FAM98C: variants seen among roughly 807,000 people sequenced by gnomAD.
FAM98C encodes the protein tRNA splicing ligase complex subunit 3C.
In FAM98C, 38 loss-of-function variants were observed where a neutral mutation model predicts 41.1. The ratio of observed to expected loss-of-function variants is 0.92; its 90% CI spans 0.71 to 1.21. The LOEUF (loss-of-function observed/expected upper bound fraction) is 1.21. FAM98C is among the 50% of genes most tolerant of loss of function. FAM98C has a pLI of 0.00. For synonymous variants in FAM98C, 195 were observed against 216.7 expected, an observed-to-expected ratio of 0.90 and a Z score of 0.88; for missense variants, 493 against 484.7, an observed-to-expected ratio of 1.02 and a Z score of -0.16.
At chr19:38,408,687 G>A (rs970412079) in intron 7 of FAM98C, 64 bp from the exon 8 acceptor site, 14 of 1,609,512 alleles carry the variant, frequency 8.7e-6, no homozygotes, top group South Asian at 2.2e-5. Context: ...TGTTCCCTTC[G>A]CTCTCTGGCC....
At position 38,403,096 on chromosome 19, in the gene FAM98C, C is replaced by G; in HGVS notation, c.-58C>G. On this transcript the variant is annotated 5_prime_UTR_variant, in exon 1 of 8. Transcript: ENST00000252530. ...CGCTGCGGGGAGCTCGTGCGCGCGG[C>G]GCTTTTGGGGCGGAGCCTGCCACCG... 6.9e-7 allele frequency: 1 copy of G among 1,459,688 alleles called. No homozygotes were observed. The highest frequency in any genetic ancestry group is 8.9e-7 in the Non-Finnish European group (1 of 1,118,044). The allele number at this position is 1,459,688 out of a possible 1,614,324, so 90.4% of individuals were successfully genotyped here. A position where few individuals can be genotyped will look rare whatever the true frequency, so the allele number is the denominator to read the frequency against.
Position 38,409,079 on chromosome 19 carries a change from A to T in FAM98C, c.*197A>T. 2.3e-5 allele frequency: 10 copies of T among 434,058 alleles called. No homozygotes were observed. The highest frequency in any genetic ancestry group is 5.4e-5 in the East Asian group (1 of 18,582). 26.9% of individuals were successfully genotyped at this position (434,058 alleles called of 1,614,324 possible). A position where few individuals can be genotyped will look rare whatever the true frequency, so the allele number is the denominator to read the frequency against. ...GTTCTCCAGAGAATAAATTTAATTT[A>T]TGACAGCTGTAGGACCTCTCTCTGT... On this transcript the variant is annotated 3_prime_UTR_variant, in exon 8 of 8. Transcript: ENST00000252530.
At chr19:38,407,850 T>A (rs1600532107) in intron 7 of FAM98C, 1 of 150,132 alleles carries the variant, frequency 6.7e-6, no homozygotes, top group East Asian at 2.0e-4. Flanking sequence ...TAGCCGGGCG[T>A]GGTGGCAGAC....
In FAM98C at chr19:38,408,988, C is replaced by T. The variant is rs555097755; in HGVS notation, c.*106C>T. The T allele has an allele frequency of 2.1e-5, 26 of 1,244,378 alleles. 1 individual carries two copies. The highest frequency in any genetic ancestry group is 1.5e-4 in the African/African-American group (10 of 64,782). The allele number at this position is 1,244,378 out of a possible 1,614,324, so 77.1% of individuals were successfully genotyped here. A position where few individuals can be genotyped will look rare whatever the true frequency, so the allele number is the denominator to read the frequency against. On this transcript the variant is annotated 3_prime_UTR_variant, in exon 8 of 8. Coordinates refer to ENST00000252530, the MANE Select transcript of FAM98C (RefSeq NM_174905.4). ...CTTTCCTTGGTATTTGGCACCCAAG[C>T]CCCCCATCTCCTATTCCTGAGTCCC...
chr19:38,406,646 T>C, intron 6 of FAM98C: 1 of 375,022 alleles, frequency 2.7e-6, no homozygotes, highest in Non-Finnish European at 4.8e-6. Flanking sequence ...TAGCTGGGCA[T>C]GGTGGCGCAT....
At chr19:38,408,640 A>G in intron 7 of FAM98C, 111 bp from the exon 8 acceptor site, 2 of 1,421,822 alleles carry the variant, frequency 1.4e-6, no homozygotes, top group Non-Finnish European at 2.0e-6. Context: ...CTGTACTCAA[A>G]TAGTCAACAT....
chr19:38,408,888 G>A lies in FAM98C; in HGVS notation c.*6G>A, dbSNP rs756010256. The A allele has an allele frequency of 1.3e-6, 2 of 1,565,178 alleles. No homozygotes were observed. The highest frequency in any genetic ancestry group is 1.7e-6 in the Non-Finnish European group (2 of 1,160,318). On this transcript the variant is annotated 3_prime_UTR_variant, in exon 8 of 8. Transcript: ENST00000252530. ...AGAAGAAGAAGAAGAAGTAAAGGGG[G>A]ACTGGTGGTCGGGGGCGGGGGGTCC...
chr19:38,404,289 G>A (rs1235997639), intron 3 of FAM98C, among the ~76,000 whole-genome samples: 1 of 152,180 alleles, frequency 6.6e-6, no homozygotes, highest in Non-Finnish European at 1.5e-5. Context: ...GGAATTCGTA[G>A]GAGGGGACAG....
chr19:38,404,566 C>T (rs1441917265), intron 3 of FAM98C: 1 of 244,488 alleles, frequency 4.1e-6, no homozygotes, highest in Non-Finnish European at 8.4e-6. Flanking sequence ...GAGTCTCGCC[C>T]TGTTGCCAGG....
In FAM98C at chr19:38,404,972, T is replaced by A; in HGVS notation, c.414T>A (p.Ser138Arg). The change falls in exon 4 of 8, where the codon AGT (serine) becomes AGA (arginine). Residue 138 changes from serine (S) to arginine (R), a missense_variant. Transcript: ENST00000252530. ...LLCLRSLLDP[S>R]PRPPLGEGVV... ...GCCTCCGCTCTCTGCTGGATCCGAG[T>A]CCTAGGCCACCCCTTGGTGAAGGGG... 1 of 1,613,988 alleles carries A rather than the reference T, an allele frequency of 6.2e-7. No homozygotes were observed. Among genetic ancestry groups the A allele is most frequent in the Non-Finnish European group, 8.5e-7 (1 of 1,180,004 alleles).
At chr19:38,404,655 C>T (rs938861952) in intron 3 of FAM98C, 17 of 411,434 alleles carry the variant, frequency 4.1e-5, no homozygotes, top group South Asian at 3.4e-4. Context: ...TTCAGCCTCC[C>T]GAGTAGCTGG....
chr19:38,405,769 G>A (rs1971031252), intron 6 of FAM98C, 134 bp downstream of exon 6: 1 of 795,386 alleles, frequency 1.3e-6, no homozygotes. Context: ...ATAATTTTTT[G>A]AGGTTTGGGG....
At position 38,408,933 on chromosome 19, in the gene FAM98C, A is replaced by G. The variant is rs1266999885; in HGVS notation, c.*51A>G. On this transcript the variant is annotated 3_prime_UTR_variant, in exon 8 of 8. Transcript: ENST00000252530. ...GGGTCCTCCATGAGATGCTAATGCT[A>G]TCGGTAATCTCTGGGGAGTCCGTTT... 2.0e-6 allele frequency: 3 copies of G among 1,522,254 alleles called. No homozygotes were observed. The highest frequency in any genetic ancestry group is 4.5e-5 in the Admixed American group (2 of 44,844). 94.3% of individuals were successfully genotyped at this position (1,522,254 alleles called of 1,614,324 possible). A position where few individuals can be genotyped will look rare whatever the true frequency, so the allele number is the denominator to read the frequency against.
Position 38,403,350 on chromosome 19 carries a change from C to T in FAM98C, c.78C>T (p.Val26=), listed in dbSNP as rs772992244. 2 of 1,474,248 alleles carry T rather than the reference C, an allele frequency of 1.4e-6. No homozygotes were observed. Among genetic ancestry groups the T allele is most frequent in the Non-Finnish European group, 1.8e-6 (2 of 1,127,788 alleles). The allele number at this position is 1,474,248 out of a possible 1,614,324, so 91.3% of individuals were successfully genotyped here. A position where few individuals can be genotyped will look rare whatever the true frequency, so the allele number is the denominator to read the frequency against. The change falls in exon 2 of 8, where the codon GTC becomes GTT. Residue 26 remains valine (V), a synonymous_variant. Transcript: ENST00000252530. ...QDLLALGYGG[V]PGAASRGASC... is the part of the protein sequence containing the mutation. ...TCGGTCCCCACAGGTATGGAGGTGTCCCGGGGGCGGCGTCGCGGGGCGCCT... is the reference window on the plus strand; with the variant it reads ...TCGGTCCCCACAGGTATGGAGGTGTTCCGGGGGCGGCGTCGCGGGGCGCCT...
In FAM98C at chr19:38,406,164, T is replaced by C. The variant is rs189550109; in HGVS notation, c.750+529T>C. The C allele has an allele frequency of 1.2e-3, 180 of 152,012 alleles. 1 individual carries two copies. Among genetic ancestry groups the C allele is most frequent in the Admixed American group, 3.1e-3 (47 of 15,274 alleles). The allele number at this position is 152,012 out of a possible 1,614,324, so 9.4% of individuals were successfully genotyped here. The stretch of plus-strand genomic sequence containing the variant: ...GCCACTGCACCCAGCCTTTTTTTTT[T>C]ATTTTTTATTTTTTGAGACGGAGTT... On this transcript the variant is annotated intron_variant, in intron 6 of 7. Transcript: ENST00000252530.
In FAM98C at chr19:38,409,016, A is replaced by G. The variant is rs149162166; in HGVS notation, c.*134A>G. The G allele has an allele frequency of 1.1e-3, 975 of 901,496 alleles. 4 individuals carry two copies. In the African/African-American group the frequency reaches 0.015, roughly 14 times the overall value. 55.8% of individuals were successfully genotyped at this position (901,496 alleles called of 1,614,324 possible). A position where few individuals can be genotyped will look rare whatever the true frequency, so the allele number is the denominator to read the frequency against. On this transcript the variant is annotated 3_prime_UTR_variant, in exon 8 of 8. Transcript: ENST00000252530. The stretch of plus-strand genomic sequence containing the variant: ...CCCATCTCCTATTCCTGAGTCCCCA[A>G]ATGCCCTGCTCCCATTCACGTCAAT...
Position 38,403,144 on chromosome 19 carries a change from C to T in FAM98C, c.-10C>T, listed in dbSNP as rs772271471. The T allele has an allele frequency of 6.6e-7, 1 of 1,522,496 alleles. No individual in the cohort carries two copies. The highest frequency in any genetic ancestry group is 8.7e-7 in the Non-Finnish European group (1 of 1,149,670). 94.3% of individuals were successfully genotyped at this position (1,522,496 alleles called of 1,614,324 possible). On this transcript the variant is annotated 5_prime_UTR_variant, in exon 1 of 8. Transcript: ENST00000252530. ...CCGGCCGCCAGGGGGCGCGCCGAGA[C>T]CACACTTTCATGGAGGCGGTGAAGG...
chr19:38,405,644 G>A lies in FAM98C; in HGVS notation c.750+9G>A, dbSNP rs1455813649. 3 of 1,613,774 alleles carry A rather than the reference G, an allele frequency of 1.9e-6. No individual in the cohort carries two copies. In the Admixed American group the frequency reaches 5.0e-5, roughly 27 times the overall value. On this transcript the variant is annotated intron_variant, in intron 6 of 7. Transcript: ENST00000252530. Reference sequence around the variant, plus strand: ...GGAGTGACCGGGCAGAGGTGTGGTGGGCAGGGGACCATGCAGAATTGGAGA... The same window carrying A: ...GGAGTGACCGGGCAGAGGTGTGGTGAGCAGGGGACCATGCAGAATTGGAGA...
At position 38,408,901 on chromosome 19, in the gene FAM98C, G is replaced by T; in HGVS notation, c.*19G>T. 1 of 1,546,822 alleles carries T rather than the reference G, an allele frequency of 6.5e-7. No homozygotes were observed. The highest frequency in any genetic ancestry group is 8.7e-7 in the Non-Finnish European group (1 of 1,152,092). ...GAAGTAAAGGGGGACTGGTGGTCGG[G>T]GGCGGGGGGTCCTCCATGAGATGCT... is the stretch of plus-strand genomic sequence containing the variant. On this transcript the variant is annotated 3_prime_UTR_variant, in exon 8 of 8. Transcript: ENST00000252530.
Sources: gnomAD v4.1 joint callset for allele counts (sites outside exome capture counted in the v4.1 genomes callset) on GRCh38, gnomAD v4.1.1 for gene constraint, MANE v1.5 for transcripts, NCBI Gene and HGNC (gene_info 2026-07-23, HGNC 2026-07-21) for gene names.